STRIP2: variants seen among roughly 807,000 people sequenced by gnomAD.
The protein encoded by STRIP2 is striatin interacting protein 2.
STRIP2 carries 84 observed loss-of-function variants against 107.1 expected under a neutral mutation model. That is an observed-to-expected ratio of 0.78 (90% CI 0.66 to 0.94). The LOEUF (loss-of-function observed/expected upper bound fraction) is 0.94, where lower values mean the gene tolerates loss of function less well. STRIP2 is among the 40% of genes least tolerant of loss of function. The pLI is 0.00. For missense variants in STRIP2, 888 were observed against 1,034.2 expected, an observed-to-expected ratio of 0.86 and a Z score of 1.94; for synonymous variants, 394 against 400.4, an observed-to-expected ratio of 0.98 and a Z score of 0.19.
At chr7:129,481,870 T>G (rs1246001135) in intron 19 of STRIP2, among the ~76,000 whole-genome samples, 1 of 152,072 alleles carries the variant, frequency 6.6e-6, no homozygotes, top group African/African-American at 2.4e-5. Flanking sequence ...ACCATTTGTG[T>G]TAAAAAACAA....
intron 18 of STRIP2, among the ~76,000 whole-genome samples, chr7:129,471,472 TTGTC>T (rs1303954165): frequency 5.3e-5 from 8 of 152,184 alleles, no homozygotes; most frequent in Admixed American, 6.5e-5. Context: ...GTCTAGCACT[TTGTC>T]TGGTACATTG....
At chr7:129,450,863 T>C (rs546065881) in intron 3 of STRIP2, among the ~76,000 whole-genome samples, 3 of 149,986 alleles carry the variant, frequency 2.0e-5, no homozygotes, top group Non-Finnish European at 4.4e-5. Flanking sequence ...GTCAGAAAAG[T>C]TTTAAAAGTG....
intron 2 of STRIP2, among the ~76,000 whole-genome samples, chr7:129,442,767 G>T (rs951827605): frequency 6.6e-6 from 1 of 152,118 alleles, no homozygotes; most frequent in Non-Finnish European, 1.5e-5. Context: ...AGACTCAAAA[G>T]CCCTGACTCC....
At position 129,451,593 on chromosome 7, in the gene STRIP2, A is replaced by G. The variant is rs1194979597; in HGVS notation, c.275-20A>G. On this transcript the variant is annotated intron_variant, in intron 3 of 20. Transcript: ENST00000249344. ...GGTGGCAATAGCTGACACTGGATGT[A>G]TATGGCCTTTTATTCCCAGTGCAGG... 5.6e-6 allele frequency: 9 copies of G among 1,613,966 alleles called. No individual in the cohort carries two copies. In the South Asian group the frequency reaches 9.9e-5, roughly 18 times the overall value.
chr7:129,475,983 C>A (rs1025426964), intron 18 of STRIP2, among the ~76,000 whole-genome samples: 2 of 152,188 alleles, frequency 1.3e-5, no homozygotes, highest in Admixed American at 6.5e-5. Flanking sequence ...GACACAGCAA[C>A]AATCTGATTT....
At chr7:129,480,086 C>G (rs1306037169) in intron 18 of STRIP2, among the ~76,000 whole-genome samples, 3 of 152,170 alleles carry the variant, frequency 2.0e-5, no homozygotes, top group Non-Finnish European at 4.4e-5. Context: ...TAGCTTCTGA[C>G]ACCAGTATGT....
intron 19 of STRIP2, among the ~76,000 whole-genome samples, chr7:129,482,005 T>C (rs1023145862): frequency 2.6e-5 from 4 of 151,506 alleles, no homozygotes; most frequent in East Asian, 3.9e-4. Flanking sequence ...CCATCTCTAC[T>C]AAAAATTAGC....
intron 1 of STRIP2, among the ~76,000 whole-genome samples, chr7:129,439,011 A>G (rs902679416): frequency 6.6e-6 from 1 of 152,116 alleles, no homozygotes; most frequent in African/African-American, 2.4e-5. Context: ...GGGTTTTCCT[A>G]TGGTGTTTCA....
rs755351623 is a variant in STRIP2 at position 129,454,166 on chromosome 7, C to T, written c.555C>T (p.Ala185=). 3.7e-6 allele frequency: 6 copies of T among 1,613,956 alleles called. No individual in the cohort carries two copies. Among genetic ancestry groups the T allele is most frequent in the Admixed American group, 1.7e-5 (1 of 59,998 alleles). The change falls in exon 6 of 21, where the codon GCC becomes GCT. Residue 185 remains alanine (A), a synonymous_variant. Transcript: ENST00000249344. ...GCAACAGCCAGGCCTGTAGCAGTGC[C>T]CTTCGGAAACCAGCTGTCTCCATAG... The part of the protein sequence containing the change: ...EIDNSQACSS[A]LRKPAVSIAD...
chr7:129,485,978 T>C lies in STRIP2; in HGVS notation c.*149T>C. 1.1e-6 allele frequency: 1 copy of C among 897,410 alleles called. No individual in the cohort carries two copies. The highest frequency in any genetic ancestry group is 1.7e-5 in the South Asian group (1 of 58,456). 55.6% of individuals were successfully genotyped at this position (897,410 alleles called of 1,614,324 possible). A position where few individuals can be genotyped will look rare whatever the true frequency, so the allele number is the denominator to read the frequency against. On this transcript the variant is annotated 3_prime_UTR_variant, in exon 21 of 21. Coordinates refer to ENST00000249344, the MANE Select transcript of STRIP2 (RefSeq NM_020704.3). ...GATGGTGCAAGGGTGGGATCCTGAA[T>C]CACAATAAAATGATCAACTTGCCCT...
chr7:129,452,075 C>A (rs946139330), intron 4 of STRIP2, among the ~76,000 whole-genome samples: 3 of 152,146 alleles, frequency 2.0e-5, no homozygotes, highest in Non-Finnish European at 2.9e-5. Flanking sequence ...ACCAGCTGAT[C>A]ATGGAGACAA....
In STRIP2 at chr7:129,483,474, G is replaced by A. The variant is rs542312914; in HGVS notation, c.2254+428G>A. ...AAATTGCCACCATTAACATCTTATT[G>A]TATATTCCTCCAGATCTTTTTCTAT... On this transcript the variant is annotated intron_variant, in intron 20 of 20. Transcript: ENST00000249344. The surrounding 1 kb of genome is among the most constrained non-coding windows in gnomAD (Gnocchi z 5.1). 3.1e-6 allele frequency: 1 copy of A among 323,040 alleles called. No individual in the cohort carries two copies. The highest frequency in any genetic ancestry group is 6.0e-5 in the Admixed American group (1 of 16,804). The allele number at this position is 323,040 out of a possible 1,614,324, so 20.0% of individuals were successfully genotyped here. A position where few individuals can be genotyped will look rare whatever the true frequency, so the allele number is the denominator to read the frequency against.
chr7:129,485,834 G>A lies in STRIP2; in HGVS notation c.*5G>A, dbSNP rs772113899. 2 of 1,613,576 alleles carry A rather than the reference G, an allele frequency of 1.2e-6. No individual in the cohort carries two copies. Among genetic ancestry groups the A allele is most frequent in the Non-Finnish European group, 1.7e-6 (2 of 1,179,954 alleles). On this transcript the variant is annotated 3_prime_UTR_variant, in exon 21 of 21. Coordinates refer to ENST00000249344, the MANE Select transcript of STRIP2 (RefSeq NM_020704.3). ...GAGCTGCTCCAGAATCACTGACTAAGTTCTTGTCAACAAGCATCAATAGAT... is the reference window on the plus strand; with the variant it reads ...GAGCTGCTCCAGAATCACTGACTAAATTCTTGTCAACAAGCATCAATAGAT...
Position 129,483,225 on chromosome 7 carries a change from G to A in STRIP2, c.2254+179G>A. 1.4e-6 allele frequency: 2 copies of A among 1,413,848 alleles called. No homozygotes were observed. The highest frequency in any genetic ancestry group is 1.7e-5 in the South Asian group (1 of 59,610). The allele number at this position is 1,413,848 out of a possible 1,614,324, so 87.6% of individuals were successfully genotyped here. A position where few individuals can be genotyped will look rare whatever the true frequency, so the allele number is the denominator to read the frequency against. ...AAGGTTATGCCTCAAATTCTAGTAT[G>A]TACCCTTGTCCTATGTAAACTATGA... On this transcript the variant is annotated intron_variant, in intron 20 of 20. Coordinates refer to ENST00000249344, the MANE Select transcript of STRIP2 (RefSeq NM_020704.3). The surrounding 1 kb of genome is among the most constrained non-coding windows in gnomAD (Gnocchi z 5.1).
chr7:129,472,319 T>C (rs1798807042), intron 18 of STRIP2, among the ~76,000 whole-genome samples: 1 of 152,242 alleles, frequency 6.6e-6, no homozygotes, highest in African/African-American at 2.4e-5. Context: ...TATATAGGAA[T>C]TGATAGGAAC....
At chr7:129,452,285 A>T (rs1331925588) in intron 4 of STRIP2, among the ~76,000 whole-genome samples, 1 of 152,238 alleles carries the variant, frequency 6.6e-6, no homozygotes, top group Non-Finnish European at 1.5e-5. Flanking sequence ...GAAACCTGTT[A>T]GCCAGGTGTT....
intron 2 of STRIP2, among the ~76,000 whole-genome samples, chr7:129,442,014 C>T (rs1255886065): frequency 1.3e-5 from 2 of 152,164 alleles, no homozygotes; most frequent in Non-Finnish European, 2.9e-5. Context: ...GATCACCTGT[C>T]AGGAGTTCGA....
intron 17 of STRIP2, 148 bp from the exon 18 acceptor site, chr7:129,470,501 C>T: frequency 1.6e-6 from 1 of 618,804 alleles, no homozygotes; most frequent in Non-Finnish European, 3.0e-6. Context: ...TGCCTGGCAC[C>T]AGAGCCCTCA....
intron 3 of STRIP2, 150 bp from the exon 4 acceptor site, chr7:129,451,463 A>G: frequency 9.2e-7 from 1 of 1,089,080 alleles, no homozygotes; most frequent in Middle Eastern, 3.1e-4. Flanking sequence ...CTTTTCCCAT[A>G]CCTTATTCTT....
Sources: gnomAD v4.1 joint callset for allele counts (sites outside exome capture counted in the v4.1 genomes callset) on GRCh38, gnomAD v4.1.1 for gene constraint, Gnocchi (gnomAD v3.1) non-coding constraint, MANE v1.5 for transcripts, NCBI Gene and HGNC (gene_info 2026-07-23, HGNC 2026-07-21) for gene names.